The following DDX31 variants were observed in gnomAD, a reference collection of about 807,000 sequenced individuals.
DDX31 encodes the protein ATP-dependent DNA helicase DDX31.
Under a neutral mutation model 91.3 loss-of-function variants are expected in DDX31, and 70 were observed. The ratio of observed to expected loss-of-function variants is 0.77; its 90% CI spans 0.63 to 0.94. The LOEUF is 0.94. Ranked by LOEUF, DDX31 falls within the 40% of genes least tolerant of loss-of-function variation. DDX31 has a pLI of 0.00. For missense variants in DDX31, 902 were observed against 925.0 expected (o/e 0.98, Z 0.32); for synonymous variants, 362 against 350.6 (o/e 1.03, Z -0.36).
intron 3 of DDX31, among the ~76,000 whole-genome samples, chr9:132,661,463 G>C (rs944804791): frequency 6.6e-6 from 1 of 152,106 alleles, no homozygotes; most frequent in East Asian, 1.9e-4. Flanking sequence ...ATTTGTGCTT[G>C]TTATAACCAG....
intron 19 of DDX31, among the ~76,000 whole-genome samples, chr9:132,610,967 C>G (rs1205934982): frequency 6.6e-6 from 1 of 152,154 alleles, no homozygotes; most frequent in African/African-American, 2.4e-5. Context: ...CCGTGACAGG[C>G]TAGAGAAACG....
At chr9:132,625,946 T>C (rs1176134668) in intron 16 of DDX31, among the ~76,000 whole-genome samples, 1 of 152,196 alleles carries the variant, frequency 6.6e-6, no homozygotes, top group Non-Finnish European at 1.5e-5. Context: ...ATGATATTCC[T>C]GACAATTTCT....
Position 132,612,135 on chromosome 9 carries a change from C to T in DDX31, c.1946G>A (p.Arg649Lys). 1.9e-6 allele frequency: 3 copies of T among 1,614,174 alleles called. No homozygotes were observed. The highest frequency in any genetic ancestry group is 2.5e-6 in the Non-Finnish European group (3 of 1,180,030). ...AKSFGLRDAP[R>K]NLSALTRKKR... ...CTTTCTAGTCAAGGCACTAAGATTC[C>T]TGGGGGCATCTCTTAGTCCGAAGCT... is the stretch of plus-strand genomic sequence containing the variant. The change falls in exon 19 of 20, where the codon AGG becomes AAG. Residue 649 changes from arginine (R) to lysine (K), a missense_variant. By Grantham distance (26) the Arg-to-Lys change is conservative. Coordinates refer to ENST00000372159, the MANE Select transcript of DDX31 (RefSeq NM_022779.9).
At chr9:132,629,474 G>A (rs1034625546) in intron 16 of DDX31, among the ~76,000 whole-genome samples, 5 of 152,224 alleles carry the variant, frequency 3.3e-5, no homozygotes, top group African/African-American at 1.2e-4. Flanking sequence ...GTGTGGTGGG[G>A]ACAGCCACAC....
intron 19 of DDX31, among the ~76,000 whole-genome samples, chr9:132,606,011 C>A (rs563797039): frequency 6.6e-6 from 1 of 151,886 alleles, no homozygotes. Context: ...ATAAAGACAG[C>A]GTTTGGGAAG....
intron 14 of DDX31, among the ~76,000 whole-genome samples, chr9:132,634,090 G>A (rs1348039932): frequency 6.6e-6 from 1 of 152,176 alleles, no homozygotes; most frequent in Non-Finnish European, 1.5e-5. Flanking sequence ...TAGGCAGATG[G>A]AGAACCAATA....
chr9:132,661,076 C>A (rs1004077836), intron 4 of DDX31, 132 bp downstream of exon 4: 2 of 776,538 alleles, frequency 2.6e-6, no homozygotes, highest in African/African-American at 1.8e-5. Flanking sequence ...GAGACGACAA[C>A]CCTTTATGGT....
chr9:132,662,825 G>C, intron 1 of DDX31, 130 bp from the exon 2 acceptor site: 1 of 1,265,360 alleles, frequency 7.9e-7, no homozygotes, highest in Admixed American at 2.4e-5. Context: ...CATATGTCAA[G>C]CAACAGTTTA....
chr9:132,601,063 G>A (rs1231421274), intron 19 of DDX31, among the ~76,000 whole-genome samples: 1 of 152,174 alleles, frequency 6.6e-6, no homozygotes, highest in Non-Finnish European at 1.5e-5. Flanking sequence ...ATTACACACT[G>A]AAAATACTGA....
chr9:132,649,877 T>C (rs545807553), intron 9 of DDX31, among the ~76,000 whole-genome samples: 34 of 152,322 alleles, frequency 2.2e-4, no homozygotes, highest in African/African-American at 7.9e-4. Context: ...GATCTTGTTT[T>C]TGTAAAAGCA....
intron 1 of DDX31, chr9:132,663,139 G>A: frequency 7.9e-7 from 1 of 1,271,932 alleles, no homozygotes; most frequent in Non-Finnish European, 1.0e-6. Context: ...CACCAACAAA[G>A]CACACTGGAG....
At chr9:132,653,788 T>G (rs991554095) in intron 6 of DDX31, among the ~76,000 whole-genome samples, 1 of 152,016 alleles carries the variant, frequency 6.6e-6, no homozygotes, top group African/African-American at 2.4e-5. Flanking sequence ...CACAAATGTG[T>G]ATATATAAAA....
rs781475740 is a variant in DDX31, at chr9:132,648,230, T to G, written c.926A>C (p.Gln309Pro). Residue 309 changes from glutamine (Q) to proline (P), a missense_variant, in exon 11 of 20, where the codon CAA becomes CCA. Transcript: ENST00000372159. Reference sequence around the variant, plus strand: ...TGATAGCAAGACATTCTGTCGTTTTTGGCATTCAGCATTTACAGCATTAAG... The same window carrying G: ...TGATAGCAAGACATTCTGTCGTTTTGGGCATTCAGCATTTACAGCATTAAG... ...VILNAVNAEC[Q>P]KRQNVLLSAT... 6.2e-7 allele frequency: 1 copy of G among 1,614,130 alleles called. No individual in the cohort carries two copies. The highest frequency in any genetic ancestry group is 2.2e-5 in the East Asian group (1 of 44,888).
At position 132,664,852 on chromosome 9, in the gene DDX31, TTCC is replaced by T. The variant is rs570645318; in HGVS notation, c.76-2160_76-2158del. Among the ~76,000 whole-genome samples the T allele has an allele frequency of 5.3e-3, 811 of 152,190 alleles. 10 individuals carry two copies. The highest frequency in any genetic ancestry group is 0.018 in the African/African-American group (761 of 41,516). On this transcript the variant is annotated intron_variant, in intron 1 of 19. Coordinates refer to ENST00000372159, the MANE Select transcript of DDX31 (RefSeq NM_022779.9). Reference sequence around the variant, plus strand: ...CAGTTCCTAGAATGTGCTGTGCTCCTTCCTCCTCCTTTGCACATGCTACTCCCA... The same window carrying T: ...CAGTTCCTAGAATGTGCTGTGCTCCTTCCTCCTTTGCACATGCTACTCCCA...
intron 11 of DDX31, 32 bp downstream of exon 11, chr9:132,648,157 A>C: frequency 6.5e-7 from 1 of 1,545,386 alleles, no homozygotes; most frequent in South Asian, 1.2e-5. Flanking sequence ...CATTAAGAAC[A>C]AAGAAGGACC....
At chr9:132,648,610 A>C in intron 9 of DDX31, 59 bp from the exon 10 acceptor site, 2 of 1,546,098 alleles carry the variant, frequency 1.3e-6, no homozygotes, top group Non-Finnish European at 1.7e-6. Flanking sequence ...GCCAGTAGAA[A>C]ACACAGGAAA....
intron 14 of DDX31, among the ~76,000 whole-genome samples, chr9:132,638,803 C>T (rs1032558080): frequency 6.6e-6 from 1 of 152,150 alleles, no homozygotes; most frequent in African/African-American, 2.4e-5. Flanking sequence ...GGGTGGGGGA[C>T]TTTTTAACCA....
intron 19 of DDX31, among the ~76,000 whole-genome samples, chr9:132,606,332 G>A (rs555862160): frequency 6.6e-6 from 1 of 152,334 alleles, no homozygotes; most frequent in South Asian, 2.1e-4. Flanking sequence ...CTGCTCTAAT[G>A]ATGAGAATAT....
chr9:132,625,860 C>T, intron 16 of DDX31, 115 bp from the exon 17 acceptor site: 1 of 682,434 alleles, frequency 1.5e-6, no homozygotes, highest in Non-Finnish European at 2.5e-6. Context: ...AGAAGTGACA[C>T]CTTCCTAGGA....
Sources: gnomAD v4.1 joint callset for allele counts (sites outside exome capture counted in the v4.1 genomes callset) on GRCh38, gnomAD v4.1.1 for gene constraint, MANE v1.5 for transcripts, NCBI Gene and HGNC (gene_info 2026-07-23, HGNC 2026-07-21) for gene names.